TNKS: variants seen among roughly 807,000 people sequenced by gnomAD.
TNKS encodes tankyrase.
TNKS carries 72 observed loss-of-function variants against 135.8 expected under a neutral mutation model. The observed-to-expected ratio is 0.53, with a 90% CI of 0.44 to 0.64. The LOEUF (loss-of-function observed/expected upper bound fraction) is 0.64, where lower values mean the gene tolerates loss of function less well. TNKS is among the 30% of genes least tolerant of loss of function. The pLI, the probability that TNKS is intolerant of heterozygous loss-of-function variation, is 0.00. For synonymous variants in TNKS, 849 were observed against 649.3 expected (o/e 1.31, Z -4.68); for missense variants, 1,769 against 1,674.0 (o/e 1.06, Z -0.99).
chr8:9,764,932 C>T (rs1807344804), intron 23 of TNKS, 142 bp downstream of exon 23: 1 of 542,366 alleles, frequency 1.8e-6, no homozygotes, highest in Non-Finnish European at 3.2e-6. Flanking sequence ...AGATAGCACT[C>T]TTCTCACTAC....
chr8:9,722,583 C>T (rs1363023179), intron 12 of TNKS: 1 of 148,904 alleles, frequency 6.7e-6, no homozygotes, highest in Non-Finnish European at 1.5e-5. Context: ...AAGACTTTGA[C>T]TTCCTGTTTT....
At chr8:9,569,447 C>T (rs1030502092) in intron 1 of TNKS, among the ~76,000 whole-genome samples, 13 of 152,168 alleles carry the variant, frequency 8.5e-5, no homozygotes, top group Admixed American at 6.5e-5. Flanking sequence ...CTGTTTTGAA[C>T]TTGTGATACA....
At chr8:9,592,546 A>G (rs1044742927) in intron 2 of TNKS, among the ~76,000 whole-genome samples, 1 of 152,204 alleles carries the variant, frequency 6.6e-6, no homozygotes, top group African/African-American at 2.4e-5. Flanking sequence ...ACACAGCCAC[A>G]GGATGAGGTG....
At chr8:9,666,585 T>G (rs573029191) in intron 3 of TNKS, among the ~76,000 whole-genome samples, 1 of 152,176 alleles carries the variant, frequency 6.6e-6, no homozygotes. Flanking sequence ...CTGGCTGTGG[T>G]GGCTCACGCC....
At chr8:9,749,312 T>C (rs1435369272) in intron 18 of TNKS, among the ~76,000 whole-genome samples, 1 of 152,178 alleles carries the variant, frequency 6.6e-6, no homozygotes, top group Non-Finnish European at 1.5e-5. Context: ...AGGGGGCAGA[T>C]AGTCATCACT....
intron 3 of TNKS, among the ~76,000 whole-genome samples, chr8:9,654,807 C>T (rs950237067): frequency 3.9e-5 from 6 of 152,226 alleles, no homozygotes; most frequent in African/African-American, 1.2e-4. Flanking sequence ...CAGTCTACAG[C>T]TCCCAGCGTG....
chr8:9,666,537 T>C (rs915975993), intron 3 of TNKS, among the ~76,000 whole-genome samples: 1 of 151,976 alleles, frequency 6.6e-6, no homozygotes, highest in Non-Finnish European at 1.5e-5. Context: ...CTGGCCAACA[T>C]GGTGAAACCC....
At chr8:9,586,136 A>G (rs1375888210) in intron 2 of TNKS, among the ~76,000 whole-genome samples, 1 of 152,168 alleles carries the variant, frequency 6.6e-6, no homozygotes, top group African/African-American at 2.4e-5. Flanking sequence ...ACATGATTAG[A>G]AATAGTTTTC....
chr8:9,602,258 G>A (rs753063426), intron 2 of TNKS, among the ~76,000 whole-genome samples: 6 of 152,120 alleles, frequency 3.9e-5, no homozygotes, highest in African/African-American at 7.2e-5. Flanking sequence ...GATTACTTAC[G>A]TAGACAGCAA....
chr8:9,742,870 A>T (rs1428409624), intron 17 of TNKS, among the ~76,000 whole-genome samples: 1 of 151,644 alleles, frequency 6.6e-6, no homozygotes, highest in African/African-American at 2.4e-5. Flanking sequence ...AAGGAGTACT[A>T]ATATTAACAC....
intron 1 of TNKS, chr8:9,557,809 C>G (rs1452674032): frequency 6.6e-6 from 1 of 152,104 alleles, no homozygotes; most frequent in Non-Finnish European, 1.5e-5. Context: ...TATGATTAAC[C>G]ATTTTACAGA....
intron 3 of TNKS, among the ~76,000 whole-genome samples, chr8:9,650,522 A>G (rs771159103): frequency 2.0e-5 from 3 of 152,204 alleles, no homozygotes; most frequent in Admixed American, 6.5e-5. Context: ...TTGCAGAAGT[A>G]AGATGGTATC....
intron 1 of TNKS, among the ~76,000 whole-genome samples, chr8:9,568,995 A>G (rs1455087048): frequency 6.6e-6 from 1 of 152,230 alleles, no homozygotes; most frequent in Non-Finnish European, 1.5e-5. Context: ...CTGTGCAGAT[A>G]TTCCAAATGT....
rs895877446 is a variant in TNKS, at chr8:9,780,265, A to G, written c.*3529A>G. 1 of 146,210 alleles carries G rather than the reference A, an allele frequency of 6.8e-6. No individual in the cohort carries two copies. The highest frequency in any genetic ancestry group is 1.5e-5 in the Non-Finnish European group (1 of 67,242). The allele number at this position is 146,210 out of a possible 1,614,324, so 9.1% of individuals were successfully genotyped here. A position where few individuals can be genotyped will look rare whatever the true frequency, so the allele number is the denominator to read the frequency against. ...GGCCTTGCAAACAGAAGTGGTGTGT[A>G]TTTTCAAGCACCTTTCCCCCATTGT... On this transcript the variant is annotated 3_prime_UTR_variant, in exon 27 of 27. Transcript: ENST00000310430.
intron 3 of TNKS, among the ~76,000 whole-genome samples, chr8:9,643,653 C>T (rs1361415190): frequency 6.6e-6 from 1 of 152,006 alleles, no homozygotes; most frequent in African/African-American, 2.4e-5. Flanking sequence ...GAAATTGGGC[C>T]CCTTGAGCAC....
intron 2 of TNKS, among the ~76,000 whole-genome samples, chr8:9,591,793 G>A (rs1441675410): frequency 1.3e-5 from 2 of 152,110 alleles, no homozygotes; most frequent in African/African-American, 4.8e-5. Context: ...AAATAGCAAA[G>A]TATTTGGTGT....
At chr8:9,640,324 A>G (rs1245334504) in intron 3 of TNKS, among the ~76,000 whole-genome samples, 1 of 151,876 alleles carries the variant, frequency 6.6e-6, no homozygotes, top group Non-Finnish European at 1.5e-5. Context: ...GCATTAATCC[A>G]TTCATGAGAG....
intron 21 of TNKS, among the ~76,000 whole-genome samples, chr8:9,762,690 C>A (rs912120050): frequency 6.6e-6 from 1 of 152,064 alleles, no homozygotes; most frequent in Non-Finnish European, 1.5e-5. Context: ...ATCATGAGGT[C>A]AGGAGATTGA....
chr8:9,687,525 C>G (rs1279996262), intron 5 of TNKS, among the ~76,000 whole-genome samples: 1 of 152,136 alleles, frequency 6.6e-6, no homozygotes, highest in African/African-American at 2.4e-5. Flanking sequence ...CGAAAACAAT[C>G]TCTATTTTGT....
Sources: allele counts gnomAD v4.1 joint callset (sites outside exome capture counted in the v4.1 genomes callset), GRCh38; gene constraint gnomAD v4.1.1; transcripts MANE v1.5; gene names NCBI Gene and HGNC (gene_info 2026-07-23, HGNC 2026-07-21).